The following SLC5A2 variants were observed in gnomAD, a reference collection of about 807,000 sequenced individuals.
SLC5A2 encodes the protein sodium/glucose cotransporter 2.
SLC5A2 carries 67 observed loss-of-function variants against 69.0 expected under a neutral mutation model. The ratio of observed to expected loss-of-function variants is 0.97; its 90% CI spans 0.80 to 1.19. The LOEUF (loss-of-function observed/expected upper bound fraction) is 1.19. SLC5A2 is among the 50% of genes most tolerant of loss of function. The pLI is 0.00. For synonymous variants in SLC5A2, 455 were observed against 395.8 expected (o/e 1.15, Z -1.78); for missense variants, 1,001 against 921.5 (o/e 1.09, Z -1.12).
In SLC5A2 at chr16:31,487,722, TCA is replaced by T; in HGVS notation, c.851_852del (p.Thr284AsnfsTer65). 1.2e-6 allele frequency: 2 copies of T among 1,612,322 alleles called. No homozygotes were observed. The highest frequency in any genetic ancestry group is 8.5e-7 in the Non-Finnish European group (1 of 1,179,848). On this transcript the variant is annotated frameshift_variant, in exon 7 of 14. Coordinates refer to ENST00000330498, the MANE Select transcript of SLC5A2 (RefSeq NM_003041.4). LOFTEE classifies it high-confidence loss of function. ...CCGTGGCCCGCGCTGCTCCTCGGAC[TCA>T]CAATCGTCTCGGGCTGGTACTGGTG...
At position 31,486,206 on chromosome 16, in the gene SLC5A2, GC is replaced by G. The variant is rs768095044; in HGVS notation, c.506del (p.Ala169ValfsTer18). The G allele has an allele frequency of 8.6e-5, 138 of 1,613,916 alleles. No individual in the cohort carries two copies. Among genetic ancestry groups the G allele is most frequent in the Middle Eastern group, 1.6e-4 (1 of 6,062 alleles). ...MFSGAVFIQQ[A>X]LGWNIYASVI... ...CTCCGGAGCTGTATTCATCCAGCAG[GC>G]TCTGGGCTGGAACATCTATGCCTCC... On this transcript the variant is annotated frameshift_variant, in exon 5 of 14. Coordinates refer to ENST00000330498, the MANE Select transcript of SLC5A2 (RefSeq NM_003041.4). LOFTEE classifies it high-confidence loss of function.
At chr16:31,488,801 C>A in intron 10 of SLC5A2, 29 bp downstream of exon 10, 1 of 1,599,900 alleles carries the variant, frequency 6.3e-7, no homozygotes, top group Non-Finnish European at 8.5e-7. Context: ...TCCTCCCCAA[C>A]GGATCAGCCC....
rs145957533 is a variant in SLC5A2 at position 31,487,547 on chromosome 16, G to C, written c.673G>C (p.Gly225Arg). 3.1e-6 allele frequency: 5 copies of C among 1,613,742 alleles called. No individual in the cohort carries two copies. The highest frequency in any genetic ancestry group is 4.2e-6 in the Non-Finnish European group (5 of 1,179,988). The change falls in exon 7 of 14, where the codon GGG becomes CGG. Residue 225 changes from glycine to arginine, a missense_variant. Transcript: ENST00000330498. ...LMGYAFHEVG[G>R]YSGLFDKYLG... ...CCCGGCAGCCTTCCACGAGGTGGGC[G>C]GGTATTCGGGTCTCTTCGACAAATA...
chr16:31,490,096 C>G lies in SLC5A2; in HGVS notation c.1666-8C>G. ...CTCCCACCTCGTTCGTGCTCCCACC[C>G]TCCCCAGCTCCACCGCCTGGTCTTC... On this transcript the variant is annotated splice_region_variant and splice_polypyrimidine_tract_variant and intron_variant, in intron 12 of 13. Transcript: ENST00000330498. 1 of 1,613,456 alleles carries G rather than the reference C, an allele frequency of 6.2e-7. No individual in the cohort carries two copies. Among genetic ancestry groups the G allele is most frequent in the Non-Finnish European group, 8.5e-7 (1 of 1,179,990 alleles).
Position 31,487,331 on chromosome 16 carries a change from G to A in SLC5A2, c.586G>A (p.Ala196Thr), listed in dbSNP as rs1199653474. Residue 196 changes from alanine (A) to threonine (T), a missense_variant, in exon 6 of 14, where the codon GCG becomes ACG. By Grantham distance (58) the Ala-to-Thr change is moderately conservative (BLOSUM62 0). Transcript: ENST00000330498. ...MIYTVTGGLAALMYTDTVQTF... is the reference protein window; with the variant it reads ...MIYTVTGGLATLMYTDTVQTF... The stretch of plus-strand genomic sequence containing the variant: ...CCGGCCTGTTGCAGGAGGGCTGGCC[G>A]CGCTGATGTACACGGACACGGTACA... 6.2e-7 allele frequency: 1 copy of A among 1,613,812 alleles called. No homozygotes were observed. Among genetic ancestry groups the A allele is most frequent in the African/African-American group, 1.3e-5 (1 of 75,004 alleles).
chr16:31,486,978 G>A (rs773273144), intron 5 of SLC5A2, among the ~76,000 whole-genome samples: 6 of 152,164 alleles, frequency 3.9e-5, no homozygotes, highest in Non-Finnish European at 8.8e-5. Flanking sequence ...CCGGGCAGGC[G>A]GAAGTTGCAG....
chr16:31,489,948 T>G, intron 12 of SLC5A2, 156 bp from the exon 13 acceptor site: 15 of 927,088 alleles, frequency 1.6e-5, no homozygotes, highest in Non-Finnish European at 2.0e-5. Flanking sequence ...AGGGCAGCCA[T>G]GTAGGGTGGA....
chr16:31,490,603 C>T lies in SLC5A2; in HGVS notation c.*68C>T. 4 of 1,379,990 alleles carry T rather than the reference C, an allele frequency of 2.9e-6. No homozygotes were observed. The highest frequency in any genetic ancestry group is 2.4e-5 in the South Asian group (2 of 82,066). 85.5% of individuals were successfully genotyped at this position (1,379,990 alleles called of 1,614,324 possible). A position where few individuals can be genotyped will look rare whatever the true frequency, so the allele number is the denominator to read the frequency against. On this transcript the variant is annotated 3_prime_UTR_variant, in exon 14 of 14. Coordinates refer to ENST00000330498, the MANE Select transcript of SLC5A2 (RefSeq NM_003041.4). ...GTGGGGGTGAGGAGCCTGCGGTGCT[C>T]CCCAGAAAAGGGGAAGGGGCAGTGG...
At position 31,487,659 on chromosome 16, in the gene SLC5A2, C is replaced by G; in HGVS notation, c.785C>G (p.Ser262Cys). 2 of 1,613,836 alleles carry G rather than the reference C, an allele frequency of 1.2e-6. No homozygotes were observed. The highest frequency in any genetic ancestry group is 8.5e-7 in the Non-Finnish European group (1 of 1,180,000). The change falls in exon 7 of 14, where the codon TCC becomes TGC. Residue 262 changes from serine (S) to cysteine (C), a missense_variant. Coordinates refer to ENST00000330498, the MANE Select transcript of SLC5A2 (RefSeq NM_003041.4). Reference sequence around the variant, plus strand: ...TTCTGCTATCGACCCCGGCCCGACTCCTACCACCTGCTCCGGCACCCCGTG... The same window carrying G: ...TTCTGCTATCGACCCCGGCCCGACTGCTACCACCTGCTCCGGCACCCCGTG... ...SSFCYRPRPD[S>C]YHLLRHPVTG...
rs1383371480 is a variant in SLC5A2 at position 31,489,250 on chromosome 16, A to G, written c.1577A>G (p.Tyr526Cys). 6.2e-7 allele frequency: 1 copy of G among 1,610,424 alleles called. No homozygotes were observed. The highest frequency in any genetic ancestry group is 1.3e-5 in the African/African-American group (1 of 74,946). The change falls in exon 12 of 14, where the codon TAC becomes TGC. Residue 526 changes from tyrosine (Y) to cysteine (C), a missense_variant. Transcript: ENST00000330498. ...CCAGCTTTCCTCTGCGGCGTGCACTACCTCTACTTCGCCATTGTGCTGTTC... is the reference window on the plus strand; with the variant it reads ...CCAGCTTTCCTCTGCGGCGTGCACTGCCTCTACTTCGCCATTGTGCTGTTC... Reference protein sequence around the residue: ...ACPAFLCGVHYLYFAIVLFFC... With the variant: ...ACPAFLCGVHCLYFAIVLFFC...
intron 1 of SLC5A2, among the ~76,000 whole-genome samples, chr16:31,484,023 A>G (rs1413300642): frequency 6.6e-6 from 1 of 152,176 alleles, no homozygotes; most frequent in African/African-American, 2.4e-5. Flanking sequence ...CAGGAGTTCA[A>G]GGCTGCAGTG....
rs764581683 is a variant in SLC5A2 at position 31,489,039 on chromosome 16, T to C, written c.1440T>C (p.Val480=). Residue 480 remains valine (V), a synonymous_variant, in exon 11 of 14, where the codon GTT becomes GTC. Coordinates refer to ENST00000330498, the MANE Select transcript of SLC5A2 (RefSeq NM_003041.4). ...VFVLALFVPR[V]NEQGAFWGLI... The stretch of plus-strand genomic sequence containing the variant: ...TGCTGGCGCTCTTCGTGCCGCGCGT[T>C]AATGAGCAGGTGAGCGGCACGCGCG... 1 of 1,601,034 alleles carries C rather than the reference T, an allele frequency of 6.2e-7. No homozygotes were observed. The highest frequency in any genetic ancestry group is 2.2e-5 in the East Asian group (1 of 44,878).
chr16:31,488,936 C>T lies in SLC5A2; in HGVS notation c.1337C>T (p.Ala446Val), dbSNP rs745878674. ...VSVAWLPVVQAAQGGQLFDYI... is the reference protein window; with the variant it reads ...VSVAWLPVVQVAQGGQLFDYI... ...GTGGCCTGGCTTCCCGTGGTGCAGG[C>T]GGCACAGGGCGGGCAGCTCTTCGAT... Residue 446 changes from alanine (A) to valine (V), a missense_variant, in exon 11 of 14, where the codon GCG becomes GTG. Physicochemically the swap from Ala to Val is moderately conservative, Grantham distance 64 (BLOSUM62 0). Coordinates refer to ENST00000330498, the MANE Select transcript of SLC5A2 (RefSeq NM_003041.4). The T allele has an allele frequency of 1.9e-6, 3 of 1,604,134 alleles. No homozygotes were observed. The highest frequency in any genetic ancestry group is 1.7e-6 in the Non-Finnish European group (2 of 1,179,864).
chr16:31,486,862 T>C (rs1032077136), intron 5 of SLC5A2, among the ~76,000 whole-genome samples: 3 of 152,086 alleles, frequency 2.0e-5, no homozygotes, highest in African/African-American at 4.8e-5. Flanking sequence ...CTGGCCAACA[T>C]GGTGAAACCC....
chr16:31,486,810 G>A (rs2082499240), intron 5 of SLC5A2, among the ~76,000 whole-genome samples: 1 of 152,220 alleles, frequency 6.6e-6, no homozygotes, highest in African/African-American at 2.4e-5. Context: ...ACTTTGGGAG[G>A]CCAAGGCGGG....
At position 31,489,009 on chromosome 16, in the gene SLC5A2, C is replaced by G; in HGVS notation, c.1410C>G (p.Val470=). Residue 470 remains valine (V), a synonymous_variant, in exon 11 of 14, where the codon GTC becomes GTG. Coordinates refer to ENST00000330498, the MANE Select transcript of SLC5A2 (RefSeq NM_003041.4). ...SSYLAPPVSA[V]FVLALFVPRV... ...ACCTGGCACCGCCCGTGTCCGCCGT[C>G]TTCGTGCTGGCGCTCTTCGTGCCGC... 6.2e-7 allele frequency: 1 copy of G among 1,600,604 alleles called. No individual in the cohort carries two copies. The highest frequency in any genetic ancestry group is 8.5e-7 in the Non-Finnish European group (1 of 1,179,758).
chr16:31,488,846 G>C, intron 10 of SLC5A2, 34 bp from the exon 11 acceptor site: 1 of 1,602,526 alleles, frequency 6.2e-7, no homozygotes, highest in Non-Finnish European at 8.5e-7. Flanking sequence ...GGGGAGCCCA[G>C]GGTCCGGGTT....
intron 10 of SLC5A2, 40 bp downstream of exon 10, chr16:31,488,812 G>C (rs1385334570): frequency 1.9e-6 from 3 of 1,600,262 alleles, no homozygotes; most frequent in East Asian, 4.5e-5. Flanking sequence ...GGATCAGCCC[G>C]GGGCGGGGGC....
At chr16:31,486,700 G>A (rs3116150) in intron 5 of SLC5A2, among the ~76,000 whole-genome samples, 26,917 of 152,194 alleles carry the variant, frequency 0.18, 2,999 homozygotes, top group Middle Eastern at 0.39. Context: ...CCTCCAGAAG[G>A]AACGGAACTG....
Sources: allele counts gnomAD v4.1 joint callset (sites outside exome capture counted in the v4.1 genomes callset), GRCh38; gene constraint gnomAD v4.1.1; transcripts MANE v1.5; gene names NCBI Gene and HGNC (gene_info 2026-07-23, HGNC 2026-07-21).